LRP1B: variants seen among roughly 807,000 people sequenced by gnomAD.
LRP1B encodes low-density lipoprotein receptor-related protein 1B.
LRP1B carries 217 observed loss-of-function variants against 556.6 expected under a neutral mutation model. That is an observed-to-expected ratio of 0.39 (90% CI 0.35 to 0.44). The LOEUF (loss-of-function observed/expected upper bound fraction) is 0.44. Among genes scored for constraint, LRP1B ranks in the 20% least tolerant of loss-of-function variants. The pLI is 1.00. For missense variants in LRP1B, 5,053 were observed against 5,620.8 expected, an observed-to-expected ratio of 0.90 and a Z score of 3.23; for synonymous variants, 2,047 against 1,865.8, an observed-to-expected ratio of 1.10 and a Z score of -2.50.
intron 77 of LRP1B, among the ~76,000 whole-genome samples, chr2:140,344,839 G>A (rs1162822409): frequency 6.6e-6 from 1 of 151,526 alleles, no homozygotes; most frequent in Non-Finnish European, 1.5e-5. Flanking sequence ...CTGAGCCTGG[G>A]GTATTTCATT....
intron 3 of LRP1B, among the ~76,000 whole-genome samples, chr2:141,394,751 G>C (rs1289363530): frequency 6.6e-6 from 1 of 151,960 alleles, no homozygotes; most frequent in South Asian, 2.1e-4. Flanking sequence ...AAATTCAGTT[G>C]GAACTTTAAA....
intron 21 of LRP1B, among the ~76,000 whole-genome samples, chr2:140,908,393 A>T (rs770315183): frequency 7.4e-4 from 107 of 143,724 alleles, no homozygotes; most frequent in Admixed American, 4.6e-3. Context: ...TATATATATA[A>T]AAAGAAGGTT....
chr2:140,598,600 T>A, intron 43 of LRP1B, 31 bp downstream of exon 43: 1 of 1,525,556 alleles, frequency 6.6e-7, no homozygotes, highest in East Asian at 2.3e-5. Context: ...ATTGTATAAC[T>A]CTATAACCAA....
In LRP1B at chr2:141,456,223, T is replaced by G. The variant is rs1243565459; in HGVS notation, c.343+24173A>C. On this transcript the variant is annotated intron_variant, in intron 3 of 90. Transcript: ENST00000389484. Reference sequence around the variant, plus strand: ...TAAATGAAGTTTTGCAAATGTATTTTTTTTTCTTTTAAACTGCTGTCACCA... The same window carrying G: ...TAAATGAAGTTTTGCAAATGTATTTGTTTTTCTTTTAAACTGCTGTCACCA... Among the ~76,000 whole-genome samples the G allele has an allele frequency of 2.6e-5, 4 of 152,350 alleles. 1 individual carries two copies. The East Asian group carries it at 7.7e-4, about 29-fold the overall frequency.
intron 83 of LRP1B, among the ~76,000 whole-genome samples, chr2:140,314,316 A>C (rs545263164): frequency 6.6e-6 from 1 of 152,174 alleles, no homozygotes; most frequent in African/African-American, 2.4e-5. Context: ...AATTTAATAC[A>C]AGTCAGTAGA....
intron 7 of LRP1B, among the ~76,000 whole-genome samples, chr2:141,072,568 C>A (rs1699676973): frequency 6.6e-6 from 1 of 151,994 alleles, no homozygotes; most frequent in African/African-American, 2.4e-5. Flanking sequence ...CAGAATCTCA[C>A]TCTTCCACTT....
At chr2:140,373,324 C>T (rs1036580650) in intron 68 of LRP1B, among the ~76,000 whole-genome samples, 187 bp from the exon 69 acceptor site, 14 of 151,860 alleles carry the variant, frequency 9.2e-5, no homozygotes, top group Non-Finnish European at 7.4e-5. Flanking sequence ...GTTTACAAAC[C>T]GAAAGACTAG....
chr2:140,889,922 T>C (rs1237506452), intron 23 of LRP1B, among the ~76,000 whole-genome samples: 3 of 152,174 alleles, frequency 2.0e-5, no homozygotes, highest in Non-Finnish European at 4.4e-5. Context: ...GAATATGTAG[T>C]TCAACTTGTG....
chr2:141,582,390 G>A (rs1686981100), intron 2 of LRP1B, among the ~76,000 whole-genome samples: 1 of 152,178 alleles, frequency 6.6e-6, no homozygotes, highest in African/African-American at 2.4e-5. Context: ...GTGTTGTGTG[G>A]TTGCTAGGGT....
chr2:140,580,320 T>C (rs1681710561), intron 43 of LRP1B, among the ~76,000 whole-genome samples: 1 of 152,164 alleles, frequency 6.6e-6, no homozygotes, highest in Non-Finnish European at 1.5e-5. Context: ...CTATCATGCA[T>C]TCCACACAGC....
At chr2:140,358,503 A>T (rs1394509927) in intron 73 of LRP1B, among the ~76,000 whole-genome samples, 1 of 151,686 alleles carries the variant, frequency 6.6e-6, no homozygotes, top group African/African-American at 2.4e-5. Flanking sequence ...AATTGCATAG[A>T]CATACAATCT....
chr2:140,942,314 G>A (rs1337425264), intron 20 of LRP1B, among the ~76,000 whole-genome samples: 1 of 152,134 alleles, frequency 6.6e-6, no homozygotes, highest in Non-Finnish European at 1.5e-5. Context: ...CAAACACACA[G>A]CTCACTGGCA....
At position 141,298,954 on chromosome 2, in the gene LRP1B, T is replaced by TAA. The variant is rs10714514; in HGVS notation, c.344-44315_344-44314dup. On this transcript the variant is annotated intron_variant, in intron 3 of 90. Transcript: ENST00000389484. ...GGGTGACAAGAGCAAAACTCCATCT[T>TAA]AAAAAAAAAAAAAAAAAACCCACAA... Among the ~76,000 whole-genome samples the TAA allele has an allele frequency of 2.5e-3, 309 of 123,814 alleles. 3 individuals carry two copies. The highest frequency in any genetic ancestry group is 8.8e-3 in the Middle Eastern group (2 of 228). The allele number at this position is 123,814 out of a possible 152,430, so 81.2% of individuals were successfully genotyped here. A position where few individuals can be genotyped will look rare whatever the true frequency, so the allele number is the denominator to read the frequency against.
At chr2:141,833,696 A>G (rs1409621057) in intron 1 of LRP1B, among the ~76,000 whole-genome samples, 2 of 151,852 alleles carry the variant, frequency 1.3e-5, no homozygotes, top group Non-Finnish European at 2.9e-5. Context: ...TGATGCTGTC[A>G]TATCTCCAGC....
intron 1 of LRP1B, among the ~76,000 whole-genome samples, chr2:141,999,977 T>C (rs1574578707): frequency 6.7e-6 from 1 of 149,784 alleles, no homozygotes; most frequent in South Asian, 2.1e-4. Context: ...TATGCATATA[T>C]TTATACTATA....
At chr2:141,405,238 A>AAC (rs1690592718) in intron 3 of LRP1B, among the ~76,000 whole-genome samples, 1 of 152,200 alleles carries the variant, frequency 6.6e-6, no homozygotes, top group East Asian at 1.9e-4. Flanking sequence ...GACCTACCAA[A>AAC]ATGATTGCTT....
intron 1 of LRP1B, among the ~76,000 whole-genome samples, chr2:142,079,657 G>A (rs1705641820): frequency 6.6e-6 from 1 of 152,006 alleles, no homozygotes; most frequent in African/African-American, 2.4e-5. Flanking sequence ...TTACAGGCAT[G>A]CACCAACATG....
At position 140,274,517 on chromosome 2, in the gene LRP1B, C is replaced by T. The variant is rs200243152; in HGVS notation, c.13049G>A (p.Arg4350His). ...DGSVECVCPT[R>H]YEGPKCEVDK... ...AACCTCACATTTTGGTCCTTCATAG[C>T]GCGTTGGACAGACACATTCAACACT... is the stretch of plus-strand genomic sequence containing the variant. Residue 4350 changes from arginine to histidine, a missense_variant, in exon 85 of 91, where the codon CGC becomes CAC. Around this residue, in one of 5 missense-constraint regions of LRP1B, gnomAD observed 551 missense variants for 592.0 expected, o/e 0.93. Transcript: ENST00000389484. 43 of 1,612,256 alleles carry T rather than the reference C, an allele frequency of 2.7e-5. No homozygotes were observed. The highest frequency in any genetic ancestry group is 1.1e-4 in the East Asian group (5 of 44,812).
At chr2:141,040,132 GTACTCATT>G (rs1280305327) in intron 11 of LRP1B, among the ~76,000 whole-genome samples, 1 of 151,926 alleles carries the variant, frequency 6.6e-6, no homozygotes. Flanking sequence ...ACTGACAAAT[GTACTCATT>G]ATTTCCTTTA....
Sources: allele counts gnomAD v4.1 joint callset (sites outside exome capture counted in the v4.1 genomes callset), GRCh38; gene constraint gnomAD v4.1.1; regional missense constraint gnomAD v4.1.1; transcripts MANE v1.5; gene names NCBI Gene and HGNC (gene_info 2026-07-23, HGNC 2026-07-21).